The following CPAMD8 variants were observed in gnomAD, a reference collection of about 807,000 sequenced individuals.
The protein encoded by CPAMD8 is C3 and PZP-like alpha-2-macroglobulin domain-containing protein 8.
CPAMD8 carries 146 observed loss-of-function variants against 224.7 expected under a neutral mutation model. The ratio of observed to expected loss-of-function variants is 0.65; its 90% confidence interval spans 0.57 to 0.75. The LOEUF (loss-of-function observed/expected upper bound fraction) is 0.75, where lower values mean the gene tolerates loss of function less well. Ranked by LOEUF, CPAMD8 falls within the 30% of genes least tolerant of loss-of-function variation. The pLI is 0.00. For missense variants in CPAMD8, 2,301 were observed against 2,537.5 expected, an observed-to-expected ratio of 0.91 and a Z score of 2.00; for synonymous variants, 966 against 1,044.6, an observed-to-expected ratio of 0.92 and a Z score of 1.45.
chr19:16,955,503 T>C (rs1028746212), intron 19 of CPAMD8, among the ~76,000 whole-genome samples: 11 of 152,098 alleles, frequency 7.2e-5, no homozygotes, highest in African/African-American at 2.7e-4. Flanking sequence ...GAGTGTTTAA[T>C]GGGACAGAGT....
At chr19:17,005,751 A>G (rs1368086087) in intron 7 of CPAMD8, among the ~76,000 whole-genome samples, 2 of 152,098 alleles carry the variant, frequency 1.3e-5, no homozygotes, top group African/African-American at 4.8e-5. Context: ...GCTTCTCTCA[A>G]TCACATTGGA....
In CPAMD8 at chr19:16,915,506, G is replaced by A. The variant is rs530362364; in HGVS notation, c.3630-693C>T. ...GATGTTCAGAATTGCTCTCCAGCCC[G>A]TTTTCTGTTGTTTTCAGCCAAAAAC... On this transcript the variant is annotated intron_variant, in intron 27 of 41. Coordinates refer to ENST00000443236, the MANE Select transcript of CPAMD8 (RefSeq NM_015692.5). Among the ~76,000 whole-genome samples the A allele has an allele frequency of 7.2e-5, 11 of 152,254 alleles. No homozygotes were observed. The South Asian group carries it at 8.3e-4, about 11-fold the overall frequency.
chr19:16,950,068 C>T (rs1171257672), intron 20 of CPAMD8, among the ~76,000 whole-genome samples: 2 of 151,782 alleles, frequency 1.3e-5, no homozygotes, highest in East Asian at 3.9e-4. Context: ...GAGGCCACGG[C>T]AGGCAGATGG....
At chr19:16,957,192 G>A (rs1470460210) in intron 19 of CPAMD8, among the ~76,000 whole-genome samples, 1 of 152,164 alleles carries the variant, frequency 6.6e-6, no homozygotes, top group Admixed American at 6.5e-5. Flanking sequence ...TGCGTGCCTG[G>A]CTCTGCCAAG....
In CPAMD8 at chr19:16,976,018, C is replaced by T. The variant is rs759959118; in HGVS notation, c.1892G>A (p.Arg631Gln). The T allele has an allele frequency of 8.1e-6, 13 of 1,596,782 alleles. No homozygotes were observed. The highest frequency in any genetic ancestry group is 2.2e-4 in the Middle Eastern group (1 of 4,636). Residue 631 changes from arginine (R) to glutamine (Q), a missense_variant, in exon 16 of 42, where the codon CGG (arginine) becomes CAG (glutamine). By Grantham distance (43) the Arg-to-Gln change is conservative (BLOSUM62 1). This residue lies in a region of CPAMD8 where 1,709 missense variants were observed against 1,753.2 expected (regional missense o/e 0.97). Transcript: ENST00000443236. ...KSVYLLRSGF[R>Q]LTPAQVFQEL... ...TCTGCTCACCTGGGCAGGAGTCAGC[C>T]GGAACCCAGACCTGAGCAGGTAGAC...
Position 16,975,147 on chromosome 19 carries a change from C to G in CPAMD8, c.2020G>C (p.Val674Leu). ...LTAQRRRRSS[V>L]FPWPWGITKD... The stretch of plus-strand genomic sequence containing the variant: ...GTGATGCCCCAAGGCCACGGGAAGA[C>G]AGAGGAGCGCCGGCGTCGTTGTGCC... The change falls in exon 17 of 42, where the codon GTC becomes CTC. Residue 674 changes from valine (V) to leucine (L), a missense_variant. Coordinates refer to ENST00000443236, the MANE Select transcript of CPAMD8 (RefSeq NM_015692.5). 3.7e-6 allele frequency: 6 copies of G among 1,613,042 alleles called. No individual in the cohort carries two copies. The highest frequency in any genetic ancestry group is 5.1e-6 in the Non-Finnish European group (6 of 1,179,684).
rs111903281 is a variant in CPAMD8, at chr19:16,958,616, T to A, written c.2214-701A>T. 8.5e-3 allele frequency among the ~76,000 whole-genome samples: 1,293 copies of A among 152,272 alleles called. 8 individuals are homozygous for A. The highest frequency in any genetic ancestry group is 0.014 in the Middle Eastern group (4 of 294). Reference sequence around the variant, plus strand: ...TGGGTCTTTATGGTAGAATGATTTATATTCCTTTGAGTATATACTCAGTAA... The same window carrying A: ...TGGGTCTTTATGGTAGAATGATTTAAATTCCTTTGAGTATATACTCAGTAA... On this transcript the variant is annotated intron_variant, in intron 18 of 41. Transcript: ENST00000443236.
Position 16,899,342 on chromosome 19 carries a change from C to A in CPAMD8, c.4848+133G>T. On this transcript the variant is annotated intron_variant, in intron 37 of 41. Coordinates refer to ENST00000443236, the MANE Select transcript of CPAMD8 (RefSeq NM_015692.5). This position sits in a 1 kb window ranked among gnomAD's most constrained non-coding sequence, Gnocchi z 5.4. The stretch of plus-strand genomic sequence containing the variant: ...AAAGTGCTGGGATTACAGGCATGAG[C>A]CACCATGCCCGGCCCCAGTGTCTTT... 1 of 610,228 alleles carries A rather than the reference C, an allele frequency of 1.6e-6. No individual in the cohort carries two copies. Among genetic ancestry groups the A allele is most frequent in the Non-Finnish European group, 3.0e-6 (1 of 330,218 alleles). 37.8% of individuals were successfully genotyped at this position (610,228 alleles called of 1,614,324 possible).
chr19:16,984,246 T>C (rs143279894), intron 13 of CPAMD8, among the ~76,000 whole-genome samples: 1 of 149,080 alleles, frequency 6.7e-6, no homozygotes, highest in Non-Finnish European at 1.5e-5. Flanking sequence ...GCCCAGGAGG[T>C]TGAGCTGCAG....
intron 26 of CPAMD8, among the ~76,000 whole-genome samples, chr19:16,922,913 T>C (rs1034647806): frequency 6.6e-6 from 1 of 152,234 alleles, no homozygotes; most frequent in Non-Finnish European, 1.5e-5. Flanking sequence ...CTCATTCATC[T>C]TGTTTACTGA....
intron 10 of CPAMD8, 124 bp from the exon 11 acceptor site, chr19:16,997,462 T>C (rs2056169220): frequency 3.0e-6 from 2 of 669,940 alleles, no homozygotes; most frequent in Non-Finnish European, 5.5e-6. Flanking sequence ...GGTCACTTGG[T>C]GGCATACCCA....
intron 23 of CPAMD8, among the ~76,000 whole-genome samples, chr19:16,937,882 T>C (rs1384950895): frequency 6.6e-6 from 1 of 152,148 alleles, no homozygotes; most frequent in African/African-American, 2.4e-5. Flanking sequence ...CTCAAACTCC[T>C]AACCTTGTGA....
At chr19:16,947,293 A>G (rs186200410) in intron 20 of CPAMD8, 66 bp from the exon 21 acceptor site, 347 of 1,547,224 alleles carry the variant, frequency 2.2e-4, no homozygotes, top group Non-Finnish European at 2.8e-4. Context: ...CTGGAGGCCC[A>G]ACACACATCC....
Position 16,925,214 on chromosome 19 carries a change from T to C in CPAMD8, c.3529A>G (p.Thr1177Ala), listed in dbSNP as rs200617730. The C allele has an allele frequency of 1.8e-3, 2,969 of 1,614,178 alleles. 62 individuals carry two copies. In the South Asian group the frequency reaches 0.03, roughly 16 times the overall value. The stretch of plus-strand genomic sequence containing the variant: ...CCAATACCTTGTACTAGGTAGTCGG[T>C]GGTCTCTCTCTCCACCTCAGGGCTG... Reference protein sequence around the residue: ...QLSPEVERETTDYLVQGYQRQ... With the variant: ...QLSPEVERETADYLVQGYQRQ... The change falls in exon 26 of 42, where the codon ACC becomes GCC. Residue 1177 changes from threonine to alanine, a missense_variant. Physicochemically the swap from Thr to Ala is moderately conservative, Grantham distance 58. Transcript: ENST00000443236.
At chr19:17,012,258 A>G (rs1234630990) in intron 3 of CPAMD8, among the ~76,000 whole-genome samples, 2 of 151,880 alleles carry the variant, frequency 1.3e-5, no homozygotes, top group Non-Finnish European at 2.9e-5. Context: ...GGCTCAAGCA[A>G]TCCATCTGCC....
chr19:16,949,748 T>C (rs1026581899), intron 20 of CPAMD8, among the ~76,000 whole-genome samples: 33 of 152,180 alleles, frequency 2.2e-4, no homozygotes, highest in African/African-American at 7.5e-4. Context: ...CTGTTGCTTG[T>C]ACATGCTGTT....
chr19:16,893,318 A>C lies in CPAMD8; in HGVS notation c.5448T>G (p.Pro1816=), dbSNP rs375371250. 6 of 1,539,526 alleles carry C rather than the reference A, an allele frequency of 3.9e-6. No individual in the cohort carries two copies. Among genetic ancestry groups the C allele is most frequent in the Non-Finnish European group, 5.3e-6 (6 of 1,140,714 alleles). The change falls in exon 42 of 42, where the codon CCT becomes CCG. Residue 1816 remains proline (P), a synonymous_variant. Transcript: ENST00000443236. ...TTTCCAGGTTCCCGCTGCTCACAGG[A>C]GGCCGAGGCCCGGCTGTGACCCTGG... ...AEDRVTAGPR[P]PVSSGNLESS... is the part of the protein sequence containing the mutation.
chr19:17,020,384 A>T (rs775717996), intron 2 of CPAMD8, 31 bp from the exon 3 acceptor site: 3 of 1,533,984 alleles, frequency 2.0e-6, no homozygotes, highest in South Asian at 1.1e-5. Context: ...AAAAAAGTTA[A>T]ATCAAGAGCT....
At chr19:17,013,887 CCT>C (rs1491397149) in intron 3 of CPAMD8, among the ~76,000 whole-genome samples, 26,454 of 82,626 alleles carry the variant, frequency 0.32, 3,028 homozygotes, top group South Asian at 0.51. Context: ...CTACACAATT[CCT>C]TCCTTCCTTC....
Sources: allele counts gnomAD v4.1 joint callset (sites outside exome capture counted in the v4.1 genomes callset), GRCh38; gene constraint gnomAD v4.1.1; regional missense constraint gnomAD v4.1.1; non-coding constraint Gnocchi (gnomAD v3.1); transcripts MANE v1.5; gene names NCBI Gene and HGNC (gene_info 2026-07-23, HGNC 2026-07-21).